Variants in UACA observed in about 807,000 individuals in gnomAD.
UACA encodes the protein nuclear membrane binding protein.
A neutral mutation model predicts 160.5 loss-of-function variants in UACA; 112 were observed. The observed-to-expected ratio is 0.70, with a 90% CI of 0.60 to 0.82. UACA has a LOEUF of 0.82. Ranked by LOEUF, UACA falls within the 40% of genes least tolerant of loss-of-function variation. The probability of loss-of-function intolerance (pLI) is 0.00; values close to 1 mark genes in which losing one functional copy is unlikely to be tolerated. For missense variants in UACA, 1,574 were observed against 1,614.6 expected (o/e 0.97, Z 0.43); for synonymous variants, 557 against 568.4 (o/e 0.98, Z 0.29).
chr15:70,702,128 G>A, intron 1 of UACA: 1 of 1,306,404 alleles, frequency 7.7e-7, no homozygotes, highest in East Asian at 3.1e-5. Context: ...TATCTTCCTT[G>A]CAATGCAGAA....
chr15:70,702,234 C>T, intron 1 of UACA: 3 of 1,084,628 alleles, frequency 2.8e-6, no homozygotes, highest in South Asian at 3.5e-5. Context: ...CTTTGAGGGA[C>T]CCCACTGGAA....
intron 14 of UACA, 87 bp from the exon 15 acceptor site, chr15:70,671,178 A>G: frequency 1.0e-6 from 1 of 971,142 alleles, no homozygotes. Flanking sequence ...TTCCTTTATT[A>G]TTCAAATAAA....
At chr15:70,707,080 A>C (rs1223347113) in intron 1 of UACA, among the ~76,000 whole-genome samples, 16 of 152,224 alleles carry the variant, frequency 1.1e-4, no homozygotes, top group Non-Finnish European at 2.2e-4. Context: ...TAATGGCATA[A>C]AGACAGACAT....
intron 2 of UACA, among the ~76,000 whole-genome samples, chr15:70,696,430 C>G (rs139083028): frequency 0.011 from 1,650 of 152,260 alleles, 27 homozygotes; most frequent in African/African-American, 0.038. Flanking sequence ...ATTTGAATAA[C>G]TGCATGCTTG....
chr15:70,669,306 G>C lies in UACA; in HGVS notation c.1378C>G (p.Arg460Gly). ...GCCAGTTCATTTTGGAGCTTCAGTC[G>C]GTCTTGTTTTGCTGACTCACAGAAA... is the stretch of plus-strand genomic sequence containing the variant. ...RTFCESAKQD[R>G]LKLQNELAHK... Residue 460 changes from arginine (R) to glycine (G), a missense_variant, in exon 16 of 19, where the codon CGA (arginine) becomes GGA (glycine). Coordinates refer to ENST00000322954, the MANE Select transcript of UACA (RefSeq NM_018003.4). The C allele has an allele frequency of 6.2e-7, 1 of 1,613,846 alleles. No homozygotes were observed. Among genetic ancestry groups the C allele is most frequent in the Middle Eastern group, 1.7e-4 (1 of 6,060 alleles).
intron 1 of UACA, chr15:70,702,333 CG>C: frequency 1.0e-6 from 1 of 989,882 alleles, no homozygotes; most frequent in Non-Finnish European, 1.2e-6. Flanking sequence ...CCGAATTGTC[CG>C]GTAAACAGCG....
chr15:70,690,382 A>G, intron 5 of UACA, 72 bp downstream of exon 5: 1 of 1,382,828 alleles, frequency 7.2e-7, no homozygotes, highest in African/African-American at 1.4e-5. Context: ...TCTATGTGTT[A>G]AAACCCTGAA....
chr15:70,701,694 T>C (rs1898369355), intron 1 of UACA, among the ~76,000 whole-genome samples: 1 of 152,224 alleles, frequency 6.6e-6, no homozygotes, highest in Non-Finnish European at 1.5e-5. Context: ...CATGTGCTTT[T>C]TAAACCCAGA....
intron 1 of UACA, among the ~76,000 whole-genome samples, chr15:70,720,156 C>T (rs1454550954): frequency 1.3e-5 from 2 of 152,134 alleles, no homozygotes; most frequent in Non-Finnish European, 2.9e-5. Flanking sequence ...TAAGATATGC[C>T]TGCTTCCCCT....
chr15:70,670,983 G>T, intron 15 of UACA, 56 bp downstream of exon 15: 1 of 1,175,972 alleles, frequency 8.5e-7, no homozygotes, highest in Non-Finnish European at 1.2e-6. Flanking sequence ...TCTTTATAAA[G>T]GCACAAAAAT....
Position 70,667,071 on chromosome 15 carries a change from G to A in UACA, c.3613C>T (p.Gln1205Ter). ...QNKMEEVSKL[Q>*]SEVQNTKQAL... ...TGTTTAGTATTCTGAACCTCCGACTGAAGTTTGGAGACTTCTTCCATTTTG... is the reference window on the plus strand; with the variant it reads ...TGTTTAGTATTCTGAACCTCCGACTAAAGTTTGGAGACTTCTTCCATTTTG... Residue 1205 changes from glutamine (Q) to a stop codon, truncating the protein, a stop_gained, in exon 16 of 19, where the codon CAG becomes TAG. Coordinates refer to ENST00000322954, the MANE Select transcript of UACA (RefSeq NM_018003.4). LOFTEE classifies it high-confidence loss of function. 5 of 1,613,288 alleles carry A rather than the reference G, an allele frequency of 3.1e-6. No homozygotes were observed. Among genetic ancestry groups the A allele is most frequent in the Non-Finnish European group, 4.2e-6 (5 of 1,179,846 alleles).
chr15:70,737,099 C>T (rs1899392462), intron 1 of UACA, among the ~76,000 whole-genome samples: 1 of 152,180 alleles, frequency 6.6e-6, no homozygotes, highest in Non-Finnish European at 1.5e-5. Flanking sequence ...AGATCCAAAA[C>T]AGTTATAATG....
intron 1 of UACA, among the ~76,000 whole-genome samples, chr15:70,745,624 A>G (rs766105464): frequency 3.0e-4 from 45 of 152,306 alleles, no homozygotes; most frequent in Admixed American, 6.5e-4. Context: ...TAAATTTCAT[A>G]TGGAACCAAA....
chr15:70,669,660 T>C (rs765974604), intron 15 of UACA, among the ~76,000 whole-genome samples, 198 bp from the exon 16 acceptor site: 1 of 152,190 alleles, frequency 6.6e-6, no homozygotes, highest in African/African-American at 2.4e-5. Flanking sequence ...CCTTAATACA[T>C]TCACAACATT....
intron 1 of UACA, among the ~76,000 whole-genome samples, chr15:70,721,502 C>T (rs1898991700): frequency 6.6e-6 from 1 of 152,052 alleles, no homozygotes; most frequent in African/African-American, 2.4e-5. Flanking sequence ...TGGCGGGAGC[C>T]TGTAGTTCCA....
chr15:70,678,429 ATAC>A (rs1477659986), intron 10 of UACA, among the ~76,000 whole-genome samples: 3 of 152,192 alleles, frequency 2.0e-5, no homozygotes, highest in Admixed American at 6.5e-5. Context: ...ATACAAGTAT[ATAC>A]TACAAGAGGG....
rs1897002463 is a variant in UACA, at chr15:70,668,214, T to C, written c.2470A>G (p.Lys824Glu). The C allele has an allele frequency of 2.5e-6, 4 of 1,612,050 alleles. No individual in the cohort carries two copies. Among genetic ancestry groups the C allele is most frequent in the Non-Finnish European group, 3.4e-6 (4 of 1,179,660 alleles). ...IALKSNIVELKKQLSELKKKC... is the reference protein window; with the variant it reads ...IALKSNIVELEKQLSELKKKC... ...TTCTTAAGTTCAGACAGCTGTTTCT[T>C]AAGTTCAACAATATTGGATTTCAGA... The change falls in exon 16 of 19, where the codon AAG (lysine) becomes GAG (glutamate). Residue 824 changes from lysine (K) to glutamate (E), a missense_variant. Physicochemically the swap from Lys to Glu is moderately conservative, Grantham distance 56 (BLOSUM62 1). Transcript: ENST00000322954.
At chr15:70,660,667 GT>G (rs1410616866) in intron 17 of UACA, 2 of 153,490 alleles carry the variant, frequency 1.3e-5, no homozygotes. Context: ...AAATTCATCA[GT>G]TTGGTTCTCA....
In UACA at chr15:70,655,922, A is replaced by C. The variant is rs915743282; in HGVS notation, c.*1134T>G. ...TAATTTTCACTCTGAATGGTAAATA[A>C]AATGTTAATAAAAAATAACAAGACA... On this transcript the variant is annotated 3_prime_UTR_variant, in exon 19 of 19. Coordinates refer to ENST00000322954, the MANE Select transcript of UACA (RefSeq NM_018003.4). 6.6e-6 allele frequency: 1 copy of C among 152,224 alleles called. No individual in the cohort carries two copies. Among genetic ancestry groups the C allele is most frequent in the African/African-American group, 2.4e-5 (1 of 41,462 alleles). 9.4% of individuals were successfully genotyped at this position (152,224 alleles called of 1,614,324 possible).
Sources: allele counts gnomAD v4.1 joint callset (sites outside exome capture counted in the v4.1 genomes callset), GRCh38; gene constraint gnomAD v4.1.1; transcripts MANE v1.5; gene names NCBI Gene and HGNC (gene_info 2026-07-23, HGNC 2026-07-21).